FGF9: variants seen among roughly 807,000 people sequenced by gnomAD.
The protein encoded by FGF9 is fibroblast growth factor 9.
A neutral mutation model predicts 19.9 loss-of-function variants in FGF9; 3 were observed. That is an observed-to-expected ratio of 0.15 (90% CI 0.07 to 0.39). The LOEUF is 0.39. FGF9 is among the 10% of genes least tolerant of loss of function. The pLI is 1.00. For missense variants in FGF9, 175 were observed against 256.8 expected (o/e 0.68, Z 2.18); for synonymous variants, 107 against 106.9 (o/e 1.00, Z -0.01).
At chr13:21,681,883 C>T (rs991775571) in intron 2 of FGF9, among the ~76,000 whole-genome samples, 1 of 152,178 alleles carries the variant, frequency 6.6e-6, no homozygotes, top group Admixed American at 6.5e-5. Flanking sequence ...GTGTGGTACG[C>T]AGCAGGGACT....
chr13:21,695,897 G>A (rs539825459), intron 2 of FGF9, among the ~76,000 whole-genome samples: 13 of 152,238 alleles, frequency 8.5e-5, no homozygotes, highest in Admixed American at 5.9e-4. Context: ...TAGTCTAAGC[G>A]GCCCATTGAG....
intron 2 of FGF9, among the ~76,000 whole-genome samples, chr13:21,699,047 C>A (rs1393706928): frequency 6.6e-6 from 1 of 152,194 alleles, no homozygotes. Context: ...CACACTTAAA[C>A]TTCTATCCGT....
At chr13:21,684,854 T>G (rs1320996577) in intron 2 of FGF9, among the ~76,000 whole-genome samples, 1 of 152,242 alleles carries the variant, frequency 6.6e-6, no homozygotes, top group African/African-American at 2.4e-5. Context: ...GTTTGTGCAG[T>G]GAGACCTTTT....
In FGF9 at chr13:21,691,198, T is replaced by G. The variant is rs943215536; in HGVS notation, c.382-9992T>G. Among the ~76,000 whole-genome samples, 1 of 152,172 alleles carries G rather than the reference T, an allele frequency of 6.6e-6. No homozygotes were observed. Among genetic ancestry groups the G allele is most frequent in the African/African-American group, 2.4e-5 (1 of 41,432 alleles). ...CAAATGTACTTCCTCATGTGGGTGA[T>G]CTTAGAGCTGATTCAGGAAGAACTT... On this transcript the variant is annotated intron_variant, in intron 2 of 2. Coordinates refer to ENST00000382353, the MANE Select transcript of FGF9 (RefSeq NM_002010.3). The surrounding 1 kb of genome is among the most constrained non-coding windows in gnomAD (Gnocchi z 4.2).
rs145881347 is a variant in FGF9 at position 21,679,600 on chromosome 13, T to C, written c.278-1442T>C. ...GTAAGGTCTACATAAAATGTAGCAC[T>C]TTAATTTACAATAAAAAGGAAAAAA... On this transcript the variant is annotated intron_variant, in intron 1 of 2. Coordinates refer to ENST00000382353, the MANE Select transcript of FGF9 (RefSeq NM_002010.3). 2.2e-3 allele frequency among the ~76,000 whole-genome samples: 329 copies of C among 152,158 alleles called. 1 individual carries two copies. Among genetic ancestry groups the C allele is most frequent in the Middle Eastern group, 6.8e-3 (2 of 294 alleles).
rs761639029 is a variant in FGF9, at chr13:21,701,700, A to AGTGTGTGTGT, written c.*273_*274insGTGTGTGTGT. On this transcript the variant is annotated 3_prime_UTR_variant, in exon 3 of 3. Transcript: ENST00000382353. ...AGAGAGAGAGAGACTGAGCGCTAGG[A>AGTGTGTGTGT]GTGTGTGTATGTGTGTGTGTGTGTG... The AGTGTGTGTGT allele has an allele frequency of 2.3e-6, 1 of 441,212 alleles. No homozygotes were observed. Among genetic ancestry groups the AGTGTGTGTGT allele is most frequent in the African/African-American group, 2.7e-5 (1 of 36,466 alleles). The allele number at this position is 441,212 out of a possible 1,614,324, so 27.3% of individuals were successfully genotyped here. A position where few individuals can be genotyped will look rare whatever the true frequency, so the allele number is the denominator to read the frequency against.
At chr13:21,687,460 C>T (rs1342683554) in intron 2 of FGF9, among the ~76,000 whole-genome samples, 2 of 152,128 alleles carry the variant, frequency 1.3e-5, no homozygotes, top group Non-Finnish European at 1.5e-5. Flanking sequence ...ATTTATATGC[C>T]AAAATTCAAG....
chr13:21,694,692 T>G (rs759376213), intron 2 of FGF9, among the ~76,000 whole-genome samples: 1 of 152,246 alleles, frequency 6.6e-6, no homozygotes, highest in Non-Finnish European at 1.5e-5. Flanking sequence ...TGTGATTTTT[T>G]TTTCAACTTG....
rs1872597590 is a variant in FGF9 at position 21,703,825 on chromosome 13, T to G, written c.*2390T>G. 1 of 151,950 alleles carries G rather than the reference T, an allele frequency of 6.6e-6. No homozygotes were observed. Among genetic ancestry groups the G allele is most frequent in the Non-Finnish European group, 1.5e-5 (1 of 67,972 alleles). 9.4% of individuals were successfully genotyped at this position (151,950 alleles called of 1,614,324 possible). ...AAAATTGTGAAAAAGACAAAAATCT[T>G]CATGCATTCCTATAAAACGCTACTT... is the stretch of plus-strand genomic sequence containing the variant. On this transcript the variant is annotated 3_prime_UTR_variant, in exon 3 of 3. Coordinates refer to ENST00000382353, the MANE Select transcript of FGF9 (RefSeq NM_002010.3).
At position 21,701,224 on chromosome 13, in the gene FGF9, A is replaced by G; in HGVS notation, c.416A>G (p.Gln139Arg). Residue 139 changes from glutamine to arginine, a missense_variant, in exon 3 of 3, where the codon CAG (glutamine) becomes CGG (arginine). Gln to Arg is a conservative substitution (Grantham distance 43). Coordinates refer to ENST00000382353, the MANE Select transcript of FGF9 (RefSeq NM_002010.3). ...KLTQECVFRE[Q>R]FEENWYNTYS... Reference sequence around the variant, plus strand: ...ACCCAAGAGTGTGTATTCAGAGAACAGTTCGAAGAAAACTGGTATAATACG... The same window carrying G: ...ACCCAAGAGTGTGTATTCAGAGAACGGTTCGAAGAAAACTGGTATAATACG... 1 of 1,613,932 alleles carries G rather than the reference A, an allele frequency of 6.2e-7. No homozygotes were observed. Among genetic ancestry groups the G allele is most frequent in the Non-Finnish European group, 8.5e-7 (1 of 1,179,872 alleles).
rs1169005996 is a variant in FGF9, at chr13:21,702,191, T to C, written c.*756T>C. Reference sequence around the variant, plus strand: ...AAGTCCGCTATGAACCTGTGGTAAATTCATGCAAGTAGATATAATGGTGCA... The same window carrying C: ...AAGTCCGCTATGAACCTGTGGTAAACTCATGCAAGTAGATATAATGGTGCA... On this transcript the variant is annotated 3_prime_UTR_variant, in exon 3 of 3. Transcript: ENST00000382353. 1 of 152,140 alleles carries C rather than the reference T, an allele frequency of 6.6e-6. No individual in the cohort carries two copies. Among genetic ancestry groups the C allele is most frequent in the Admixed American group, 6.5e-5 (1 of 15,272 alleles). 9.4% of individuals were successfully genotyped at this position (152,140 alleles called of 1,614,324 possible).
In FGF9 at chr13:21,703,059, T is replaced by C. The variant is rs184842816; in HGVS notation, c.*1624T>C. On this transcript the variant is annotated 3_prime_UTR_variant, in exon 3 of 3. Transcript: ENST00000382353. ...GCAAGCGAGACTATTTCTTACTATA[T>C]ACTAAGGAGAAAAGAGCCAAATTCT... 2.6e-4 allele frequency: 39 copies of C among 152,366 alleles called. No homozygotes were observed. The highest frequency in any genetic ancestry group is 8.9e-4 in the African/African-American group (37 of 41,596). The allele number at this position is 152,366 out of a possible 1,614,324, so 9.4% of individuals were successfully genotyped here. A position where few individuals can be genotyped will look rare whatever the true frequency, so the allele number is the denominator to read the frequency against.
chr13:21,675,298 C>T (rs1474146472), intron 1 of FGF9, among the ~76,000 whole-genome samples: 1 of 152,054 alleles, frequency 6.6e-6, no homozygotes, highest in Non-Finnish European at 1.5e-5. Flanking sequence ...GAGAAGCGGG[C>T]CCCCGGGGTG....
At chr13:21,680,934 A>G in intron 1 of FGF9, 108 bp from the exon 2 acceptor site, 1 of 768,322 alleles carries the variant, frequency 1.3e-6, no homozygotes, top group South Asian at 1.5e-5. Flanking sequence ...GGGTTATCCA[A>G]GTGGGGAGCT....
chr13:21,697,426 C>A (rs7320232), intron 2 of FGF9, among the ~76,000 whole-genome samples: 118,713 of 151,992 alleles, frequency 0.78, 47,220 homozygotes, highest in East Asian at 0.96. Flanking sequence ...GGGTTACAGG[C>A]ATAAGCTGCT....
At chr13:21,681,456 A>G (rs1872041419) in intron 2 of FGF9, among the ~76,000 whole-genome samples, 1 of 152,192 alleles carries the variant, frequency 6.6e-6, no homozygotes, top group Non-Finnish European at 1.5e-5. Context: ...TTTTGAAATG[A>G]ATTGAAATGA....
rs17070426 is a variant in FGF9, at chr13:21,690,939, C to T, written c.381+9794C>T. On this transcript the variant is annotated intron_variant, in intron 2 of 2. Coordinates refer to ENST00000382353, the MANE Select transcript of FGF9 (RefSeq NM_002010.3). ...GAGCAAATATGTGTGTTAGAGAAGC[C>T]GCTGGTTGTGAGTTTGATGTTAATT... is the stretch of plus-strand genomic sequence containing the variant. Among the ~76,000 whole-genome samples the T allele has an allele frequency of 2.7e-3, 409 of 152,150 alleles. 1 individual carries two copies. The highest frequency in any genetic ancestry group is 4.4e-3 in the Non-Finnish European group (298 of 68,044).
rs2138125801 is a variant in FGF9 at position 21,672,988 on chromosome 13, C to CG, written c.277+801dup. 6.6e-6 allele frequency among the ~76,000 whole-genome samples: 1 copy of CG among 152,288 alleles called. No homozygotes were observed. Among genetic ancestry groups the CG allele is most frequent in the East Asian group, 1.9e-4 (1 of 5,174 alleles). ...GCATTCCGAGGATTTCATTTTTCAG[C>CG]GGAGGGTATTTGTGACTCAGCACTG... is the stretch of plus-strand genomic sequence containing the variant. On this transcript the variant is annotated intron_variant, in intron 1 of 2. Transcript: ENST00000382353. The surrounding 1 kb of genome is among the most constrained non-coding windows in gnomAD (Gnocchi z 4.2).
rs17070033 is a variant in FGF9, at chr13:21,672,875, A to C, written c.277+686A>C. On this transcript the variant is annotated intron_variant, in intron 1 of 2. Transcript: ENST00000382353. This position sits in a 1 kb window ranked among gnomAD's most constrained non-coding sequence, Gnocchi z 4.2. ...TGATAACCTCTGCTTTTAAATTTCCATAGTGTGCAGCCCTGTGTAGGTCTC... is the reference window on the plus strand; with the variant it reads ...TGATAACCTCTGCTTTTAAATTTCCCTAGTGTGCAGCCCTGTGTAGGTCTC... 0.027 allele frequency among the ~76,000 whole-genome samples: 4,091 copies of C among 152,328 alleles called. 85 individuals are homozygous for C. Among genetic ancestry groups the C allele is most frequent in the South Asian group, 0.057 (273 of 4,828 alleles).
Sources: allele counts gnomAD v4.1 joint callset (sites outside exome capture counted in the v4.1 genomes callset), GRCh38; gene constraint gnomAD v4.1.1; non-coding constraint Gnocchi (gnomAD v3.1); transcripts MANE v1.5; gene names NCBI Gene and HGNC (gene_info 2026-07-23, HGNC 2026-07-21).